The following TACC1 variants were observed in gnomAD, a reference collection of about 807,000 sequenced individuals.
TACC1 encodes the protein transforming acidic coiled-coil-containing protein 1.
A neutral mutation model predicts 84.4 loss-of-function variants in TACC1; 48 were observed. The ratio of observed to expected loss-of-function variants is 0.57; its 90% CI spans 0.45 to 0.72. The LOEUF (loss-of-function observed/expected upper bound fraction) is 0.72. TACC1 is among the 30% of genes least tolerant of loss of function. The pLI is 0.00. For synonymous variants in TACC1, 372 were observed against 376.3 expected, an observed-to-expected ratio of 0.99 and a Z score of 0.13; for missense variants, 920 against 973.0, an observed-to-expected ratio of 0.95 and a Z score of 0.72.
At chr8:38,830,854 T>C (rs1186022501) in intron 5 of TACC1, among the ~76,000 whole-genome samples, 2 of 152,204 alleles carry the variant, frequency 1.3e-5, no homozygotes, top group Non-Finnish European at 2.9e-5. Context: ...TCCAAACTTT[T>C]AATGGACACA....
intron 3 of TACC1, among the ~76,000 whole-genome samples, chr8:38,758,211 A>T (rs1382722015): frequency 6.6e-6 from 1 of 152,178 alleles, no homozygotes; most frequent in East Asian, 1.9e-4. Flanking sequence ...TGTCGAAGCT[A>T]TTTAGTTTGA....
intron 3 of TACC1, among the ~76,000 whole-genome samples, chr8:38,774,554 A>T (rs1400551445): frequency 2.0e-5 from 3 of 152,188 alleles, no homozygotes; most frequent in Non-Finnish European, 2.9e-5. Flanking sequence ...GTGCAGTGGT[A>T]GCATCACAGC....
chr8:38,733,212 TA>T (rs1805305536), intron 1 of TACC1, among the ~76,000 whole-genome samples: 1 of 151,960 alleles, frequency 6.6e-6, no homozygotes, highest in Non-Finnish European at 1.5e-5. Context: ...AGTCACACTC[TA>T]ACAAGACAGA....
In TACC1 at chr8:38,787,470, T is replaced by C. The variant is rs1025734598; in HGVS notation, c.-113T>C. 36 of 1,393,814 alleles carry C rather than the reference T, an allele frequency of 2.6e-5. No individual in the cohort carries two copies. The African/African-American group carries it at 5.2e-4, about 20-fold the overall frequency. 86.3% of individuals were successfully genotyped at this position (1,393,814 alleles called of 1,614,324 possible). A position where few individuals can be genotyped will look rare whatever the true frequency, so the allele number is the denominator to read the frequency against. On this transcript the variant is annotated 5_prime_UTR_variant, in exon 1 of 13. Coordinates refer to ENST00000317827, the MANE Select transcript of TACC1 (RefSeq NM_006283.3). ...ACTCGTTTAACCACATCCGCGCCTC[T>C]GCTGGAAACGCTTGCTGGCGCCTGT...
intron 2 of TACC1, among the ~76,000 whole-genome samples, chr8:38,813,640 G>T (rs1200325574): frequency 6.6e-6 from 1 of 152,174 alleles, no homozygotes; most frequent in Non-Finnish European, 1.5e-5. Flanking sequence ...TTGACTGGTT[G>T]CTCAGGTAGG....
At chr8:38,755,666 G>A (rs935417527) in intron 3 of TACC1, among the ~76,000 whole-genome samples, 4 of 149,514 alleles carry the variant, frequency 2.7e-5, no homozygotes, top group South Asian at 2.2e-4. Context: ...ATCGCACCAC[G>A]GCACTCCAGC....
At chr8:38,841,242 C>T (rs1014577895) in intron 9 of TACC1, among the ~76,000 whole-genome samples, 8 of 152,140 alleles carry the variant, frequency 5.3e-5, no homozygotes, top group Admixed American at 1.3e-4. Context: ...CTTTGGCTCA[C>T]GTCTGAACAG....
At chr8:38,787,216 C>T (rs1363579473), upstream of TACC1, 3 of 994,792 alleles carry the variant, frequency 3.0e-6, no homozygotes, top group African/African-American at 1.7e-5. Flanking sequence ...CTGATGCGCG[C>T]CCCGCCGGCC....
intron 1 of TACC1, among the ~76,000 whole-genome samples, chr8:38,741,852 A>G (rs991370843): frequency 6.6e-6 from 1 of 152,228 alleles, no homozygotes; most frequent in Non-Finnish European, 1.5e-5. Flanking sequence ...TATCTCTGCC[A>G]GGGACTGAAA....
intron 3 of TACC1, among the ~76,000 whole-genome samples, chr8:38,761,736 T>G (rs1811243019): frequency 6.6e-6 from 1 of 152,260 alleles, no homozygotes; most frequent in Non-Finnish European, 1.5e-5. Flanking sequence ...AGCATGTCAG[T>G]TCCCATTTGC....
intron 2 of TACC1, among the ~76,000 whole-genome samples, chr8:38,798,405 C>A (rs1201103398): frequency 6.6e-6 from 1 of 152,064 alleles, no homozygotes; most frequent in East Asian, 1.9e-4. Flanking sequence ...TTATTCTTTA[C>A]CTGTAGAGTC....
chr8:38,747,894 G>A (rs1357680895), intron 3 of TACC1, among the ~76,000 whole-genome samples: 2 of 152,144 alleles, frequency 1.3e-5, no homozygotes, highest in Non-Finnish European at 2.9e-5. Context: ...TTCATTGATT[G>A]TAGCAAATGC....
At chr8:38,800,461 G>A (rs1441435741) in intron 2 of TACC1, among the ~76,000 whole-genome samples, 1 of 152,126 alleles carries the variant, frequency 6.6e-6, no homozygotes, top group African/African-American at 2.4e-5. Flanking sequence ...GATCTAGTTT[G>A]TGTCTCAATA....
chr8:38,737,161 C>T (rs375440323), intron 1 of TACC1, among the ~76,000 whole-genome samples: 74 of 152,254 alleles, frequency 4.9e-4, no homozygotes, highest in African/African-American at 1.5e-3. Flanking sequence ...TGACAAGGCC[C>T]GGACTAAAAC....
Position 38,850,669 on chromosome 8 carries a change from G to A in TACC1, c.*2646G>A, listed in dbSNP as rs2152348387. 1 of 151,198 alleles carries A rather than the reference G, an allele frequency of 6.6e-6. No individual in the cohort carries two copies. The highest frequency in any genetic ancestry group is 1.5e-5 in the Non-Finnish European group (1 of 67,962). 9.4% of individuals were successfully genotyped at this position (151,198 alleles called of 1,614,324 possible). On this transcript the variant is annotated 3_prime_UTR_variant, in exon 13 of 13. Transcript: ENST00000317827. ...CTGGGCATGGTGGCACGTGCCTGTGGTCCCAGCTACTTGGGAGGCTGAGGT... is the reference window on the plus strand; with the variant it reads ...CTGGGCATGGTGGCACGTGCCTGTGATCCCAGCTACTTGGGAGGCTGAGGT...
At chr8:38,754,550 G>A (rs1395270490) in intron 3 of TACC1, among the ~76,000 whole-genome samples, 1 of 152,222 alleles carries the variant, frequency 6.6e-6, no homozygotes, top group East Asian at 1.9e-4. Flanking sequence ...CAAACAGACT[G>A]TGGGAGGAAC....
intron 2 of TACC1, 77 bp downstream of exon 2, chr8:38,788,896 G>A (rs1307085220): frequency 4.1e-6 from 5 of 1,221,390 alleles, no homozygotes; most frequent in Non-Finnish European, 5.8e-6. Flanking sequence ...AAGGAAAAAA[G>A]TGTAAATTTA....
chr8:38,846,574 CTCATGCAGTCAAT>C, intron 11 of TACC1, 112 bp from the exon 12 acceptor site: 2 of 1,157,520 alleles, frequency 1.7e-6, no homozygotes, highest in Non-Finnish European at 2.3e-6. Context: ...TTTTTTTTCT[CTCATGCAGTCAAT>C]TCTTTGAGGC....
At position 38,820,129 on chromosome 8, in the gene TACC1, C is replaced by T. The variant is rs746413249; in HGVS notation, c.885C>T (p.Pro295=). ...QKSPPDLKET[P]GTLSSDTNDS... ...CTCCCCCTGACCTTAAAGAAACTCC[C>T]GGCACTCTCAGTAGTGACACCAACG... Residue 295 remains proline, a synonymous_variant, in exon 3 of 13, where the codon CCC becomes CCT. Transcript: ENST00000317827. The T allele has an allele frequency of 2.4e-5, 39 of 1,613,982 alleles. No homozygotes were observed. The highest frequency in any genetic ancestry group is 3.1e-5 in the Non-Finnish European group (36 of 1,180,024).
Sources: allele counts gnomAD v4.1 joint callset (sites outside exome capture counted in the v4.1 genomes callset), GRCh38; gene constraint gnomAD v4.1.1; transcripts MANE v1.5; gene names NCBI Gene and HGNC (gene_info 2026-07-23, HGNC 2026-07-21).